Variants in MYO1D observed in about 807,000 individuals in gnomAD.
The protein encoded by MYO1D is myosin ID.
In MYO1D, 83 loss-of-function variants were observed where a neutral mutation model predicts 122.0. The observed-to-expected ratio is 0.68, with a 90% CI of 0.57 to 0.82. The LOEUF (loss-of-function observed/expected upper bound fraction) is 0.82, where lower values mean the gene tolerates loss of function less well. Ranked by LOEUF, MYO1D falls within the 40% of genes least tolerant of loss-of-function variation. The pLI is 0.00. For synonymous variants in MYO1D, 464 were observed against 446.9 expected, an observed-to-expected ratio of 1.04 and a Z score of -0.48; for missense variants, 1,157 against 1,269.5, an observed-to-expected ratio of 0.91 and a Z score of 1.35.
intron 1 of MYO1D, among the ~76,000 whole-genome samples, chr17:32,799,550 C>T (rs1007065970): frequency 6.6e-6 from 1 of 151,972 alleles, no homozygotes; most frequent in African/African-American, 2.4e-5. Flanking sequence ...GGATTAAAGG[C>T]TTAAGCATAA....
intron 16 of MYO1D, among the ~76,000 whole-genome samples, chr17:32,695,448 C>T (rs1744013662): frequency 6.6e-6 from 1 of 152,222 alleles, no homozygotes; most frequent in South Asian, 2.1e-4. Flanking sequence ...CAGCAACAGG[C>T]TCTTAATTGG....
At chr17:32,647,008 C>CT in intron 19 of MYO1D, among the ~76,000 whole-genome samples, 1 of 152,312 alleles carries the variant, frequency 6.6e-6, no homozygotes, top group Admixed American at 6.5e-5. Context: ...AAACCCTCAT[C>CT]TTGTTTCTTC....
At chr17:32,682,729 G>C (rs546319338) in intron 16 of MYO1D, among the ~76,000 whole-genome samples, 2 of 118,986 alleles carry the variant, frequency 1.7e-5, no homozygotes, top group African/African-American at 3.6e-5. Context: ...TACGTGTCTT[G>C]GAGTTGCTCT....
intron 1 of MYO1D, among the ~76,000 whole-genome samples, chr17:32,837,250 TTTTC>T (rs1322301359): frequency 2.5e-5 from 3 of 122,372 alleles, no homozygotes; most frequent in South Asian, 2.9e-4. Flanking sequence ...AGTGCCTGCC[TTTTC>T]TTTTTTTTTT....
At chr17:32,804,186 C>T (rs1019698050) in intron 1 of MYO1D, among the ~76,000 whole-genome samples, 2 of 152,060 alleles carry the variant, frequency 1.3e-5, no homozygotes, top group Non-Finnish European at 2.9e-5. Context: ...ACTTATAATG[C>T]CCAATACTAT....
chr17:32,840,954 C>T (rs1447761756), intron 1 of MYO1D, among the ~76,000 whole-genome samples: 1 of 152,082 alleles, frequency 6.6e-6, no homozygotes, highest in Non-Finnish European at 1.5e-5. Flanking sequence ...TTCTGTTTTT[C>T]ATTTTCAGAA....
intron 1 of MYO1D, among the ~76,000 whole-genome samples, chr17:32,811,243 T>C (rs1286865969): frequency 1.3e-5 from 2 of 152,218 alleles, no homozygotes; most frequent in Admixed American, 6.5e-5. Flanking sequence ...CCAGACTCAA[T>C]GCATTTAAAA....
intron 21 of MYO1D, among the ~76,000 whole-genome samples, chr17:32,572,238 C>T (rs374033687): frequency 4.7e-4 from 72 of 152,044 alleles, no homozygotes; most frequent in African/African-American, 1.6e-3. Context: ...CTCCCCCTCG[C>T]CCACCTCCCA....
intron 16 of MYO1D, among the ~76,000 whole-genome samples, chr17:32,661,951 GT>G (rs2088572066): frequency 6.6e-6 from 1 of 152,260 alleles, no homozygotes; most frequent in South Asian, 2.1e-4. Context: ...TTTATTGTGT[GT>G]ATTTGTTTTT....
intron 21 of MYO1D, among the ~76,000 whole-genome samples, chr17:32,515,516 T>A (rs1227890028): frequency 6.6e-6 from 1 of 152,180 alleles, no homozygotes; most frequent in African/African-American, 2.4e-5. Flanking sequence ...TGTCTTAAAC[T>A]CCTAGGCTCA....
chr17:32,580,549 A>T (rs981140613), intron 21 of MYO1D, among the ~76,000 whole-genome samples: 2 of 151,370 alleles, frequency 1.3e-5, no homozygotes, highest in African/African-American at 4.9e-5. Flanking sequence ...AGCTGGGACT[A>T]CAGGCGCCCG....
At chr17:32,611,884 G>C (rs2087706972) in intron 20 of MYO1D, among the ~76,000 whole-genome samples, 1 of 152,168 alleles carries the variant, frequency 6.6e-6, no homozygotes, top group African/African-American at 2.4e-5. Flanking sequence ...ATTCACAGGA[G>C]GAGATAAGTA....
At chr17:32,659,904 T>G (rs1165656519) in intron 16 of MYO1D, among the ~76,000 whole-genome samples, 1 of 152,212 alleles carries the variant, frequency 6.6e-6, no homozygotes, top group Non-Finnish European at 1.5e-5. Flanking sequence ...GAATCTTTGT[T>G]AAAAGTTTTT....
In MYO1D at chr17:32,636,949, G is replaced by A. The variant is rs144422854; in HGVS notation, c.2709+1773C>T. 2.8e-3 allele frequency among the ~76,000 whole-genome samples: 434 copies of A among 152,282 alleles called. 1 individual carries two copies. The highest frequency in any genetic ancestry group is 9.6e-3 in the African/African-American group (399 of 41,554). ...GCAGGGTGTTGACAGCATCTGCAAC[G>A]GGGTGTATCCATCCCACTGACGTTT... On this transcript the variant is annotated intron_variant, in intron 20 of 21. Transcript: ENST00000318217.
chr17:32,842,886 C>CTTTTTTTTTTTTTTT, intron 1 of MYO1D, among the ~76,000 whole-genome samples: 1 of 104,458 alleles, frequency 9.6e-6, no homozygotes, highest in Non-Finnish European at 1.9e-5. Context: ...CTATTTCTTT[C>CTTTTTTTTTTTTTTT]TTTTTTTTTT....
intron 1 of MYO1D, among the ~76,000 whole-genome samples, chr17:32,788,163 C>T (rs2090316113): frequency 6.6e-6 from 1 of 152,174 alleles, no homozygotes; most frequent in African/African-American, 2.4e-5. Flanking sequence ...TGTCGTTGTA[C>T]TGGTGAGTTT....
In MYO1D at chr17:32,654,593, T is replaced by G. The variant is rs1368107510; in HGVS notation, c.2374A>C (p.Ile792Leu). The change falls in exon 18 of 22, where the codon ATT (isoleucine) becomes CTT (leucine). Residue 792 changes from isoleucine to leucine, a missense_variant. Physicochemically the swap from Ile to Leu is conservative, Grantham distance 5 (BLOSUM62 2). Coordinates refer to ENST00000318217, the MANE Select transcript of MYO1D (RefSeq NM_015194.3). The stretch of plus-strand genomic sequence containing the variant: ...ACCTGGGGCAGGTCTGAGGCCGGAA[T>G]GCTCTTGATGAGCTGGGATGCTCTC... ...RWRASQLIKSIPASDLPQVRA... is the reference protein window; with the variant it reads ...RWRASQLIKSLPASDLPQVRA... 3.1e-6 allele frequency: 5 copies of G among 1,612,634 alleles called. No individual in the cohort carries two copies. Among genetic ancestry groups the G allele is most frequent in the Non-Finnish European group, 4.2e-6 (5 of 1,179,524 alleles).
chr17:32,764,663 C>G (rs1361154039), intron 8 of MYO1D, among the ~76,000 whole-genome samples: 1 of 152,188 alleles, frequency 6.6e-6, no homozygotes. Flanking sequence ...GAGCGCCACC[C>G]CCAGTCAGCT....
At chr17:32,715,806 C>T (rs1238536570) in intron 15 of MYO1D, among the ~76,000 whole-genome samples, 1 of 152,068 alleles carries the variant, frequency 6.6e-6, no homozygotes, top group African/African-American at 2.4e-5. Flanking sequence ...TCAGTCTTTC[C>T]TACCTCAATC....
Sources: gnomAD v4.1 joint callset for allele counts (sites outside exome capture counted in the v4.1 genomes callset) on GRCh38, gnomAD v4.1.1 for gene constraint, MANE v1.5 for transcripts, NCBI Gene and HGNC (gene_info 2026-07-23, HGNC 2026-07-21) for gene names.